The following SYTL5 variants were observed in gnomAD, a reference collection of about 807,000 sequenced individuals.
The protein encoded by SYTL5 is synaptotagmin-like protein 5.
In SYTL5, 34 loss-of-function variants were observed where a neutral mutation model predicts 55.9. That is an observed-to-expected ratio of 0.61 (90% CI 0.46 to 0.81). The LOEUF (loss-of-function observed/expected upper bound fraction) is 0.81. Among genes scored for constraint, SYTL5 ranks in the 30% least tolerant of loss-of-function variants. SYTL5 has a pLI of 0.00. For missense variants in SYTL5, 637 were observed against 546.7 expected (o/e 1.17, Z -1.65); for synonymous variants, 221 against 188.7 (o/e 1.17, Z -1.40).
At chrX:37,968,543 A>G in the SYTL5 span, among the ~76,000 whole-genome samples, 1 of 111,721 alleles carries the variant, frequency 9.0e-6, no homozygotes, top group Non-Finnish European at 1.9e-5. Flanking sequence ...CTTAACCCCC[A>G]AATTTACCAT....
the SYTL5 span, among the ~76,000 whole-genome samples, chrX:37,977,427 G>A: frequency 2.7e-5 from 3 of 110,309 alleles, no homozygotes; most frequent in East Asian, 8.5e-4. Context: ...AAAGGAAACA[G>A]GAGATATACA....
At chrX:37,985,535 A>G in the SYTL5 span, among the ~76,000 whole-genome samples, 2 of 110,854 alleles carry the variant, frequency 1.8e-5, no homozygotes, top group African/African-American at 6.5e-5. Flanking sequence ...AAACATTTAA[A>G]TAAATGGAAA....
upstream of SYTL5, among the ~76,000 whole-genome samples, chrX:38,004,606 G>A (rs188162521): frequency 7.2e-5 from 8 of 111,711 alleles, no homozygotes; most frequent in Admixed American, 1.9e-4. Context: ...AGAAGAATGA[G>A]ATTCTGTCGT....
At chrX:37,996,094 A>G in the SYTL5 span, among the ~76,000 whole-genome samples, 8 of 111,881 alleles carry the variant, frequency 7.2e-5, no homozygotes, top group African/African-American at 2.6e-4. Context: ...TTGACCCTGG[A>G]TGAGCCCCTG....
At chrX:37,959,423 A>G in the SYTL5 span, among the ~76,000 whole-genome samples, 1 of 111,985 alleles carries the variant, frequency 8.9e-6, no homozygotes, top group Admixed American at 9.4e-5. Context: ...ACACTTGTGG[A>G]TAATTAACAT....
intron 10 of SYTL5, among the ~76,000 whole-genome samples, chrX:38,105,326 C>T (rs1937180526): frequency 8.9e-6 from 1 of 112,925 alleles, no homozygotes; most frequent in African/African-American, 3.2e-5. Context: ...CTCAGGAAGT[C>T]CTGCCAACGT....
At chrX:38,102,917 A>G in intron 10 of SYTL5, 1 of 519,151 alleles carries the variant, frequency 1.9e-6, no homozygotes. Flanking sequence ...TTTGAGAGGA[A>G]GGCCCTGTGT....
chrX:38,022,967 C>T (rs186447855), intron 1 of SYTL5, among the ~76,000 whole-genome samples: 243 of 111,106 alleles, frequency 2.2e-3, no homozygotes, highest in Middle Eastern at 4.6e-3. Context: ...AGGATAGATA[C>T]GAGAGAGAGA....
At chrX:38,098,905 A>G (rs994045514) in intron 9 of SYTL5, among the ~76,000 whole-genome samples, 2 of 111,013 alleles carry the variant, frequency 1.8e-5, no homozygotes, top group Non-Finnish European at 3.8e-5. Context: ...GAAACCAGGC[A>G]AAACTACATA....
the SYTL5 span, among the ~76,000 whole-genome samples, chrX:37,998,376 C>T: frequency 8.9e-6 from 1 of 112,313 alleles, no homozygotes; most frequent in East Asian, 2.8e-4. Flanking sequence ...CTGTCACTCC[C>T]TCTTTGGGGC....
the SYTL5 span, among the ~76,000 whole-genome samples, chrX:37,905,174 A>C: frequency 9.0e-6 from 1 of 110,818 alleles, no homozygotes; most frequent in East Asian, 2.9e-4. Flanking sequence ...CTCCATGTCA[A>C]ATTAGGAAGG....
the SYTL5 span, among the ~76,000 whole-genome samples, chrX:37,894,801 G>C: frequency 2.2e-5 from 1 of 45,653 alleles, no homozygotes; most frequent in Admixed American, 3.0e-4. Context: ...GTGGAGGAAG[G>C]GTGAATTTCC....
At chrX:37,957,235 C>A in the SYTL5 span, among the ~76,000 whole-genome samples, 3 of 111,138 alleles carry the variant, frequency 2.7e-5, no homozygotes, top group Non-Finnish European at 3.8e-5. Context: ...CTGTAGGTTG[C>A]CTTTTATCTG....
the SYTL5 span, among the ~76,000 whole-genome samples, chrX:37,966,441 T>TC: frequency 3.2e-4 from 29 of 91,608 alleles, no homozygotes; most frequent in African/African-American, 1.2e-3. Flanking sequence ...TTTTTCTTTT[T>TC]TTTTTTTTTT....
intron 1 of SYTL5, among the ~76,000 whole-genome samples, chrX:38,007,508 A>G (rs1934030471): frequency 8.9e-6 from 1 of 111,897 alleles, no homozygotes; most frequent in South Asian, 3.7e-4. Context: ...AACAGGAGTT[A>G]TATATTTATA....
chrX:37,897,825 C>T, the SYTL5 span, among the ~76,000 whole-genome samples: 2 of 111,891 alleles, frequency 1.8e-5, no homozygotes, highest in South Asian at 3.8e-4. Context: ...AGGCCGGGCA[C>T]GGTGGCTCAC....
intron 6 of SYTL5, among the ~76,000 whole-genome samples, chrX:38,086,090 T>G (rs1936655751): frequency 9.0e-6 from 1 of 111,701 alleles, no homozygotes; most frequent in Admixed American, 9.5e-5. Context: ...GCAGTTTATA[T>G]AGCATTTTCA....
Position 38,108,621 on chromosome X carries a change from T to A in SYTL5, c.1356T>A (p.Leu452=), listed in dbSNP as rs1327342098. The A allele has an allele frequency of 1.7e-6, 2 of 1,196,154 alleles. No homozygotes were observed. Among genetic ancestry groups the A allele is most frequent in the Admixed American group, 2.2e-5 (1 of 45,454 alleles). ...ATAGTTATGTCAAGTCATATCTTCT[T>A]CCTGACAAGTCCCGGAACAACAAGC... ...RTDAYVKSYL[L]PDKSRNNKRK... is the part of the protein sequence containing the mutation. The change falls in exon 12 of 17, where the codon CTT becomes CTA. Residue 452 remains leucine (L), a synonymous_variant. Transcript: ENST00000297875.
chrX:37,966,045 C>T, the SYTL5 span, among the ~76,000 whole-genome samples: 1 of 111,876 alleles, frequency 8.9e-6, no homozygotes, highest in East Asian at 2.8e-4. Context: ...ATTTTTTTAC[C>T]CATTCAGCCA....
Sources: allele counts gnomAD v4.1 joint callset (sites outside exome capture counted in the v4.1 genomes callset), GRCh38; gene constraint gnomAD v4.1.1; transcripts MANE v1.5; gene names NCBI Gene and HGNC (gene_info 2026-07-23, HGNC 2026-07-21).